Variants in PCDHGA2 observed in about 807,000 individuals in gnomAD.
The protein encoded by PCDHGA2 is protocadherin gamma-A2.
In PCDHGA2, 40 loss-of-function variants were observed where a neutral mutation model predicts 59.2. That is an observed-to-expected ratio of 0.68 (90% CI 0.52 to 0.88). The LOEUF (loss-of-function observed/expected upper bound fraction) is 0.88. Among genes scored for constraint, PCDHGA2 ranks in the 40% least tolerant of loss-of-function variants. PCDHGA2 has a pLI of 0.00. For synonymous variants in PCDHGA2, 560 were observed against 526.0 expected (o/e 1.06, Z -0.89); for missense variants, 1,226 against 1,204.0 (o/e 1.02, Z -0.27).
chr5:141,394,365 C>T (rs1451388519), intron 1 of PCDHGA2: 1 of 1,614,212 alleles, frequency 6.2e-7, no homozygotes, highest in South Asian at 1.1e-5. Context: ...GTATGCGCTG[C>T]AATCTTTCGA....
chr5:141,414,537 T>C (rs2095757230), intron 1 of PCDHGA2: 1 of 1,613,978 alleles, frequency 6.2e-7, no homozygotes, highest in Non-Finnish European at 8.5e-7. Flanking sequence ...ACAACCCACC[T>C]ACCTTCTCTC....
intron 3 of PCDHGA2, among the ~76,000 whole-genome samples, chr5:141,509,745 T>C (rs1456852988): frequency 6.6e-6 from 1 of 152,186 alleles, no homozygotes; most frequent in East Asian, 1.9e-4. Context: ...TCTGAGCCTG[T>C]GCCTAAAGTG....
intron 1 of PCDHGA2, chr5:141,422,919 G>A (rs1445179310): frequency 3.7e-6 from 6 of 1,614,238 alleles, no homozygotes; most frequent in Non-Finnish European, 5.1e-6. Flanking sequence ...CCGAGATCCT[G>A]TACCCTGCCC....
chr5:141,504,645 T>C (rs1481469819), intron 2 of PCDHGA2, among the ~76,000 whole-genome samples: 2 of 112,538 alleles, frequency 1.8e-5, no homozygotes, highest in Non-Finnish European at 3.4e-5. Context: ...GGTTTGATGA[T>C]AGAGTGTTTG....
intron 1 of PCDHGA2, among the ~76,000 whole-genome samples, chr5:141,343,533 T>A (rs1561486444): frequency 6.6e-6 from 1 of 152,234 alleles, no homozygotes; most frequent in Admixed American, 6.5e-5. Context: ...TGTTACTGTG[T>A]GTTTCTTAAA....
intron 1 of PCDHGA2, chr5:141,421,916 G>A (rs754653877): frequency 2.5e-6 from 4 of 1,613,646 alleles, no homozygotes; most frequent in Non-Finnish European, 2.5e-6. Flanking sequence ...GTTCCCATTC[G>A]TGTGGTGGTC....
rs1030000451 is a variant in PCDHGA2, at chr5:141,432,417, T to G, written c.2425-62390T>G. 2.5e-6 allele frequency: 4 copies of G among 1,614,124 alleles called. No individual in the cohort carries two copies. In the African/African-American group the frequency reaches 5.3e-5, roughly 22 times the overall value. On this transcript the variant is annotated intron_variant, in intron 1 of 3. Coordinates refer to ENST00000394576, the MANE Select transcript of PCDHGA2 (RefSeq NM_018915.4). This position sits in a 1 kb window ranked among gnomAD's most constrained non-coding sequence, Gnocchi z 6.0. The stretch of plus-strand genomic sequence containing the variant: ...AACGTGTCGTTGAGCCTGTTCGTGC[T>G]GGACCAGAACGACAATGCGCCCGAG...
At chr5:141,374,935 T>C in intron 1 of PCDHGA2, 1 of 1,614,020 alleles carries the variant, frequency 6.2e-7, no homozygotes, top group East Asian at 2.2e-5. Context: ...TTGTGAAGAT[T>C]ACAGAAAAGA....
At chr5:141,345,539 C>T (rs748154971) in intron 1 of PCDHGA2, 3 of 1,614,080 alleles carry the variant, frequency 1.9e-6, no homozygotes, top group African/African-American at 1.3e-5. Flanking sequence ...CGCCCCTGTC[C>T]TCCTTCGTCT....
At chr5:141,386,634 G>A (rs1351043708) in intron 1 of PCDHGA2, among the ~76,000 whole-genome samples, 2 of 151,884 alleles carry the variant, frequency 1.3e-5, no homozygotes, top group Non-Finnish European at 2.9e-5. Context: ...CTGTCACCCA[G>A]GCTGGATACA....
At chr5:141,364,167 G>A in intron 1 of PCDHGA2, 1 of 724,670 alleles carries the variant, frequency 1.4e-6, no homozygotes, top group Non-Finnish European at 2.0e-6. Context: ...GAGGCGACCC[G>A]ACTCTGCTCC....
chr5:141,488,552 A>C (rs993681273), intron 1 of PCDHGA2, among the ~76,000 whole-genome samples: 1 of 152,194 alleles, frequency 6.6e-6, no homozygotes, highest in African/African-American at 2.4e-5. Context: ...GTCAGCTGAC[A>C]TTGAGATTTC....
In PCDHGA2 at chr5:141,395,432, G is replaced by A. The variant is rs963118371; in HGVS notation, c.2424+54037G>A. ...GTTATTGTTTCATTTGCTTTTAAAC[G>A]ACTTGGAAAAGATTGTTCAACCATT... On this transcript the variant is annotated intron_variant, in intron 1 of 3. Coordinates refer to ENST00000394576, the MANE Select transcript of PCDHGA2 (RefSeq NM_018915.4). The A allele has an allele frequency of 8.6e-6, 6 of 701,470 alleles. No homozygotes were observed. In the African/African-American group the frequency reaches 9.1e-5, roughly 11 times the overall value. The allele number at this position is 701,470 out of a possible 1,614,324, so 43.5% of individuals were successfully genotyped here. A position where few individuals can be genotyped will look rare whatever the true frequency, so the allele number is the denominator to read the frequency against.
chr5:141,347,763 G>A (rs967666053), intron 1 of PCDHGA2, among the ~76,000 whole-genome samples: 4 of 151,586 alleles, frequency 2.6e-5, no homozygotes, highest in Non-Finnish European at 5.9e-5. Context: ...CTCCAGCTGG[G>A]GCAATAGAGA....
chr5:141,423,159 G>A lies in PCDHGA2; in HGVS notation c.2425-71648G>A, dbSNP rs750186629. On this transcript the variant is annotated intron_variant, in intron 1 of 3. Transcript: ENST00000394576. Reference sequence around the variant, plus strand: ...GAGACGCGCTCAAGCAGAGCCTCGTGGTGGCCGTCCAGGACCACGGCCAGC... The same window carrying A: ...GAGACGCGCTCAAGCAGAGCCTCGTAGTGGCCGTCCAGGACCACGGCCAGC... The A allele has an allele frequency of 1.9e-5, 31 of 1,610,746 alleles. 1 individual carries two copies. The highest frequency in any genetic ancestry group is 3.3e-4 in the Middle Eastern group (2 of 6,080).
In PCDHGA2 at chr5:141,365,854, C is replaced by G. The variant is rs570866859; in HGVS notation, c.2424+24459C>G. On this transcript the variant is annotated intron_variant, in intron 1 of 3. Transcript: ENST00000394576. ...CCTTGTCCTCCTATGTATCCATTAA[C>G]TCTGACACCGGTGTCCTGTATGCTC... 17 of 1,614,060 alleles carry G rather than the reference C, an allele frequency of 1.1e-5. 1 individual carries two copies. In the South Asian group the frequency reaches 1.8e-4, roughly 17 times the overall value.
At chr5:141,447,834 C>T (rs2098552835) in intron 1 of PCDHGA2, among the ~76,000 whole-genome samples, 1 of 151,844 alleles carries the variant, frequency 6.6e-6, no homozygotes, top group African/African-American at 2.4e-5. Flanking sequence ...GCCTGTAATC[C>T]CAGTGCTTTG....
rs754972380 is a variant in PCDHGA2 at position 141,362,072 on chromosome 5, T to C, written c.2424+20677T>C. 9 of 1,612,630 alleles carry C rather than the reference T, an allele frequency of 5.6e-6. No individual in the cohort carries two copies. In the East Asian group the frequency reaches 1.3e-4, roughly 24 times the overall value. ...GCCCGCCAGCGCCTGCTGGTCGCTG[T>C]GCGTGATGGAGGACAGCCGCCACTC... On this transcript the variant is annotated intron_variant, in intron 1 of 3. Transcript: ENST00000394576.
At chr5:141,361,935 C>A (rs1430503003) in intron 1 of PCDHGA2, 3 of 1,605,956 alleles carry the variant, frequency 1.9e-6, no homozygotes, top group Admixed American at 1.7e-5. Flanking sequence ...ACTCAGGACA[C>A]AACGCTTGGC....
Sources: gnomAD v4.1 joint callset for allele counts (sites outside exome capture counted in the v4.1 genomes callset) on GRCh38, gnomAD v4.1.1 for gene constraint, Gnocchi (gnomAD v3.1) non-coding constraint, MANE v1.5 for transcripts, NCBI Gene and HGNC (gene_info 2026-07-23, HGNC 2026-07-21) for gene names.